The following PKP4 variants were observed in gnomAD, a reference collection of about 807,000 sequenced individuals.
The protein encoded by PKP4 is plakophilin-4.
A neutral mutation model predicts 145.1 loss-of-function variants in PKP4; 90 were observed. The observed-to-expected ratio is 0.62, with a 90% CI of 0.52 to 0.74. The LOEUF is 0.74. Among genes scored for constraint, PKP4 ranks in the 30% least tolerant of loss-of-function variants. PKP4 has a pLI of 0.00. For synonymous variants in PKP4, 563 were observed against 577.2 expected, an observed-to-expected ratio of 0.98 and a Z score of 0.35; for missense variants, 1,340 against 1,482.7, an observed-to-expected ratio of 0.90 and a Z score of 1.58.
chr2:158,636,957 TCAA>T (rs1454743437), intron 9 of PKP4, among the ~76,000 whole-genome samples: 4 of 152,326 alleles, frequency 2.6e-5, no homozygotes, highest in Non-Finnish European at 5.9e-5. Flanking sequence ...TCTGATAAGT[TCAA>T]CATCTGGGGT....
At chr2:158,653,051 G>C (rs969340939) in intron 11 of PKP4, among the ~76,000 whole-genome samples, 6 of 152,178 alleles carry the variant, frequency 3.9e-5, no homozygotes, top group African/African-American at 1.4e-4. Context: ...GCACCTTTAT[G>C]GCTGTTGCTT....
chr2:158,535,691 G>A (rs1260931388), intron 2 of PKP4, among the ~76,000 whole-genome samples: 1 of 152,118 alleles, frequency 6.6e-6, no homozygotes, highest in Non-Finnish European at 1.5e-5. Context: ...AAAGTGTGAG[G>A]ATTATAAGTG....
At chr2:158,643,295 T>C (rs1415833204) in intron 11 of PKP4, among the ~76,000 whole-genome samples, 1 of 152,126 alleles carries the variant, frequency 6.6e-6, no homozygotes, top group African/African-American at 2.4e-5. Context: ...GACATGAAAC[T>C]GAAGTTGGCC....
chr2:158,610,158 G>A (rs2051008628), intron 4 of PKP4, among the ~76,000 whole-genome samples: 1 of 152,044 alleles, frequency 6.6e-6, no homozygotes, highest in Non-Finnish European at 1.5e-5. Context: ...TTTATGAGGA[G>A]CAGTTTATTT....
At chr2:158,628,141 C>T (rs1420206290) in intron 7 of PKP4, among the ~76,000 whole-genome samples, 3 of 151,810 alleles carry the variant, frequency 2.0e-5, no homozygotes, top group South Asian at 2.1e-4. Flanking sequence ...CCACCATGCA[C>T]GGCTAATTTT....
rs779035660 is a variant in PKP4 at position 158,680,512 on chromosome 2, C to T, written c.3414C>T (p.Ser1138=). Residue 1138 remains serine, a synonymous_variant, in exon 22 of 22, where the codon AGC becomes AGT. Transcript: ENST00000389759. ...AYRLYLQSPH[S]YEDPYFDDRV... ...GATTGTATTTGCAGTCTCCTCATAGCTATGAAGATCCTTATTTTGATGACC... is the reference window on the plus strand; with the variant it reads ...GATTGTATTTGCAGTCTCCTCATAGTTATGAAGATCCTTATTTTGATGACC... 6.2e-7 allele frequency: 1 copy of T among 1,613,834 alleles called. No homozygotes were observed. The highest frequency in any genetic ancestry group is 1.3e-5 in the African/African-American group (1 of 75,040).
At chr2:158,566,121 G>A (rs1043859084) in intron 2 of PKP4, among the ~76,000 whole-genome samples, 5 of 151,672 alleles carry the variant, frequency 3.3e-5, no homozygotes, top group African/African-American at 4.8e-5. Context: ...ATCTTCCTGT[G>A]TTAGGTGGTA....
intron 4 of PKP4, among the ~76,000 whole-genome samples, chr2:158,619,502 G>A (rs779245174): frequency 6.6e-6 from 1 of 152,142 alleles, no homozygotes; most frequent in Non-Finnish European, 1.5e-5. Flanking sequence ...TCAAGTTAAA[G>A]GTTTAGAATG....
chr2:158,596,396 A>T (rs1034461949), intron 3 of PKP4, among the ~76,000 whole-genome samples: 2 of 152,192 alleles, frequency 1.3e-5, no homozygotes, highest in Non-Finnish European at 1.5e-5. Context: ...AGAGCTCAAA[A>T]TGGTAAAACT....
chr2:158,466,834 C>T (rs921871771), intron 1 of PKP4, among the ~76,000 whole-genome samples: 4 of 152,228 alleles, frequency 2.6e-5, no homozygotes, highest in African/African-American at 9.7e-5. Flanking sequence ...AGGCACCAAT[C>T]AAGCACCAAG....
chr2:158,627,103 G>A (rs2052873215), intron 7 of PKP4, among the ~76,000 whole-genome samples: 1 of 152,166 alleles, frequency 6.6e-6, no homozygotes, highest in Non-Finnish European at 1.5e-5. Flanking sequence ...TCTTAGTGGA[G>A]AAACCACCTC....
chr2:158,670,778 C>T (rs867132237), intron 17 of PKP4, among the ~76,000 whole-genome samples: 7 of 152,288 alleles, frequency 4.6e-5, no homozygotes, highest in Non-Finnish European at 7.4e-5. Flanking sequence ...GCTTGGATGG[C>T]GCATTTCCCT....
At chr2:158,679,351 G>A (rs1262015612) in intron 21 of PKP4, 2 of 152,366 alleles carry the variant, frequency 1.3e-5, no homozygotes, top group Middle Eastern at 3.4e-3. Flanking sequence ...CTTCAGATAA[G>A]GATGTGTTCT....
chr2:158,561,953 G>A (rs965385779), intron 2 of PKP4, among the ~76,000 whole-genome samples: 3 of 31,676 alleles, frequency 9.5e-5, no homozygotes, highest in East Asian at 6.5e-4. Context: ...GACAGGCCCC[G>A]GTGTGTGATG....
At chr2:158,562,360 A>G (rs2046605322) in intron 2 of PKP4, among the ~76,000 whole-genome samples, 2 of 152,260 alleles carry the variant, frequency 1.3e-5, no homozygotes, top group South Asian at 4.1e-4. Context: ...TGAGGACATT[A>G]TGCTAAGTGA....
intron 2 of PKP4, among the ~76,000 whole-genome samples, chr2:158,553,131 T>A (rs993927141): frequency 6.6e-6 from 1 of 152,212 alleles, no homozygotes; most frequent in African/African-American, 2.4e-5. Flanking sequence ...TTCTTCTTGC[T>A]GCTAATAACA....
chr2:158,524,275 G>C (rs1404857995), intron 1 of PKP4, among the ~76,000 whole-genome samples: 1 of 120,904 alleles, frequency 8.3e-6, no homozygotes, highest in East Asian at 2.4e-4. Context: ...CAGACTAACA[G>C]CAGATCTCTC....
intron 9 of PKP4, among the ~76,000 whole-genome samples, chr2:158,636,273 G>C (rs1014909559): frequency 2.6e-5 from 4 of 151,566 alleles, no homozygotes; most frequent in African/African-American, 9.7e-5. Flanking sequence ...TTTTTTAAAG[G>C]ATTTTTTTTT....
At chr2:158,459,747 C>T (rs1689466785) in intron 1 of PKP4, among the ~76,000 whole-genome samples, 1 of 151,702 alleles carries the variant, frequency 6.6e-6, no homozygotes, top group African/African-American at 2.4e-5. Context: ...ATTTAGTTTC[C>T]CTGCCGCATT....
Sources: gnomAD v4.1 joint callset for allele counts (sites outside exome capture counted in the v4.1 genomes callset) on GRCh38, gnomAD v4.1.1 for gene constraint, MANE v1.5 for transcripts, NCBI Gene and HGNC (gene_info 2026-07-23, HGNC 2026-07-21) for gene names.